EXOC6B: variants seen among roughly 807,000 people sequenced by gnomAD.
EXOC6B encodes the protein SEC15 homolog B.
Under a neutral mutation model 113.5 loss-of-function variants are expected in EXOC6B, and 54 were observed. The observed-to-expected ratio is 0.48, with a 90% CI of 0.38 to 0.60. The LOEUF is 0.60. EXOC6B is among the 20% of genes least tolerant of loss of function. The pLI is 0.00. For missense variants in EXOC6B, 797 were observed against 977.5 expected (o/e 0.82, Z 2.46); for synonymous variants, 357 against 339.0 (o/e 1.05, Z -0.58).
intron 18 of EXOC6B, among the ~76,000 whole-genome samples, chr2:72,448,947 T>C (rs1462890942): frequency 6.6e-6 from 1 of 152,174 alleles, no homozygotes; most frequent in Non-Finnish European, 1.5e-5. Flanking sequence ...CTTTTATATA[T>C]TCACAAGTTT....
At chr2:72,580,588 A>G (rs1705160772) in intron 6 of EXOC6B, among the ~76,000 whole-genome samples, 2 of 152,206 alleles carry the variant, frequency 1.3e-5, no homozygotes, top group Non-Finnish European at 2.9e-5. Context: ...AATGGACACC[A>G]TTGGTGCTCC....
intron 8 of EXOC6B, chr2:72,515,910 AAGAAT>A (rs1183865428): frequency 5.5e-6 from 1 of 183,438 alleles, no homozygotes; most frequent in Non-Finnish European, 1.0e-5. Context: ...GAAAGCCGAA[AAGAAT>A]AGACACAGAG....
Position 72,293,269 on chromosome 2 carries a change from T to C in EXOC6B, c.2196+41678A>G, listed in dbSNP as rs551684337. Among the ~76,000 whole-genome samples, 9 of 152,176 alleles carry C rather than the reference T, an allele frequency of 5.9e-5. No homozygotes were observed. In the East Asian group the frequency reaches 1.7e-3, roughly 29 times the overall value. ...CCTAAATGAGTCCTAGGGACTCATT[T>C]CAGTCCCTACCTAGTGCTTATGTTT... is the stretch of plus-strand genomic sequence containing the variant. On this transcript the variant is annotated intron_variant, in intron 20 of 21. Coordinates refer to ENST00000272427, the MANE Select transcript of EXOC6B (RefSeq NM_015189.3).
chr2:72,182,129 C>T (rs1325276929), intron 21 of EXOC6B, among the ~76,000 whole-genome samples: 1 of 152,090 alleles, frequency 6.6e-6, no homozygotes, highest in Non-Finnish European at 1.5e-5. Context: ...GATCTGGATG[C>T]CCTTTGCTCT....
intron 20 of EXOC6B, among the ~76,000 whole-genome samples, chr2:72,204,064 T>C (rs1679673450): frequency 6.6e-6 from 1 of 152,092 alleles, no homozygotes; most frequent in Non-Finnish European, 1.5e-5. Flanking sequence ...ACCAGCAAAG[T>C]CCCTGTCCTT....
chr2:72,609,831 ACT>A (rs1172803103), intron 6 of EXOC6B, among the ~76,000 whole-genome samples: 1 of 152,144 alleles, frequency 6.6e-6, no homozygotes, highest in Non-Finnish European at 1.5e-5. Context: ...TACTTAGTCA[ACT>A]CTGTGCAAGT....
intron 20 of EXOC6B, among the ~76,000 whole-genome samples, chr2:72,224,918 ATATG>A (rs1485754393): frequency 1.3e-5 from 2 of 150,406 alleles, no homozygotes; most frequent in Admixed American, 6.7e-5. Flanking sequence ...AGATGTGTAT[ATATG>A]TGTATATATA....
intron 2 of EXOC6B, 56 bp downstream of exon 2, chr2:72,741,248 C>T (rs1681302605): frequency 1.3e-6 from 2 of 1,522,910 alleles, no homozygotes; most frequent in Non-Finnish European, 1.8e-6. Flanking sequence ...ATCCTTTAAT[C>T]CTAATCAAAA....
At position 72,637,464 on chromosome 2, in the gene EXOC6B, G is replaced by C. The variant is rs148524144; in HGVS notation, c.670-61796C>G. Among the ~76,000 whole-genome samples, 823 of 152,146 alleles carry C rather than the reference G, an allele frequency of 5.4e-3. 9 individuals carry two copies. Among genetic ancestry groups the C allele is most frequent in the African/African-American group, 0.019 (785 of 41,514 alleles). The stretch of plus-strand genomic sequence containing the variant: ...AAACAAACAACTCCATTTAAAAGTG[G>C]GCAAAGGACATGAACAGAACCTATC... On this transcript the variant is annotated intron_variant, in intron 6 of 21. Coordinates refer to ENST00000272427, the MANE Select transcript of EXOC6B (RefSeq NM_015189.3).
rs150476500 is a variant in EXOC6B at position 72,485,365 on chromosome 2, A to G, written c.1666-4615T>C. On this transcript the variant is annotated intron_variant, in intron 16 of 21. Transcript: ENST00000272427. ...TTCAGTACAATAAACCTTCAACAGG[A>G]CTAATCCAAAGGAAGAAAATGAGAA... Among the ~76,000 whole-genome samples, 3 of 152,360 alleles carry G rather than the reference A, an allele frequency of 2.0e-5. No homozygotes were observed. The East Asian group carries it at 5.8e-4, about 29-fold the overall frequency.
At chr2:72,656,432 A>G (rs1674579422) in intron 6 of EXOC6B, among the ~76,000 whole-genome samples, 1 of 152,108 alleles carries the variant, frequency 6.6e-6, no homozygotes, top group African/African-American at 2.4e-5. Context: ...ACAAAGAAAA[A>G]GTTTAAAAGA....
At chr2:72,405,398 T>C (rs1396535065) in intron 18 of EXOC6B, among the ~76,000 whole-genome samples, 1 of 152,148 alleles carries the variant, frequency 6.6e-6, no homozygotes, top group Non-Finnish European at 1.5e-5. Context: ...GACACATAAT[T>C]GTCAGATTCA....
In EXOC6B at chr2:72,718,243, A is replaced by T. The variant is rs1256410973; in HGVS notation, c.529T>A (p.Tyr177Asn). 6.2e-7 allele frequency: 1 copy of T among 1,613,856 alleles called. No individual in the cohort carries two copies. Among genetic ancestry groups the T allele is most frequent in the Non-Finnish European group, 8.5e-7 (1 of 1,179,780 alleles). Residue 177 changes from tyrosine (Y) to asparagine (N), a missense_variant, in exon 6 of 22, where the codon TAT becomes AAT. By Grantham distance (143) the Tyr-to-Asn change is moderately radical (BLOSUM62 -2). Coordinates refer to ENST00000272427, the MANE Select transcript of EXOC6B (RefSeq NM_015189.3). ...EHTYLPQVSH[Y>N]RFCKVMVDNI... Reference sequence around the variant, plus strand: ...TCCACCATCACCTTGCAGAATCGATAGTGGCTTACTTGAGGCAGGTAGGTA... The same window carrying T: ...TCCACCATCACCTTGCAGAATCGATTGTGGCTTACTTGAGGCAGGTAGGTA...
intron 19 of EXOC6B, among the ~76,000 whole-genome samples, chr2:72,349,635 G>A (rs115641249): frequency 2.1e-3 from 316 of 152,328 alleles, no homozygotes; most frequent in Admixed American, 4.2e-3. Context: ...CAGATTCCAT[G>A]AGGAGTGGAC....
intron 6 of EXOC6B, among the ~76,000 whole-genome samples, chr2:72,639,097 C>CCA (rs750268845): frequency 1.9e-4 from 29 of 152,142 alleles, no homozygotes; most frequent in Admixed American, 1.4e-3. Context: ...TCCTCTGGGC[C>CCA]CACAGCAGCT....
intron 6 of EXOC6B, among the ~76,000 whole-genome samples, chr2:72,604,454 T>C (rs180906474): frequency 9.0e-4 from 137 of 152,328 alleles, no homozygotes; most frequent in African/African-American, 3.2e-3. Context: ...CCAGGCACTA[T>C]AGTAAGCAGA....
chr2:72,211,827 A>G (rs758851989), intron 20 of EXOC6B, among the ~76,000 whole-genome samples: 1 of 152,142 alleles, frequency 6.6e-6, no homozygotes, highest in Admixed American at 6.5e-5. Context: ...TTGTATATCA[A>G]TTTGGTTTAC....
chr2:72,588,230 C>T (rs1280650505), intron 6 of EXOC6B, among the ~76,000 whole-genome samples: 1 of 152,094 alleles, frequency 6.6e-6, no homozygotes, highest in Non-Finnish European at 1.5e-5. Flanking sequence ...CCTGCAAGCA[C>T]ATGTCCGTTG....
At chr2:72,653,721 T>C (rs1271415021) in intron 6 of EXOC6B, among the ~76,000 whole-genome samples, 1 of 151,410 alleles carries the variant, frequency 6.6e-6, no homozygotes, top group Non-Finnish European at 1.5e-5. Context: ...CTGACCAAAG[T>C]TCTTGATTTG....
Sources: allele counts gnomAD v4.1 joint callset (sites outside exome capture counted in the v4.1 genomes callset), GRCh38; gene constraint gnomAD v4.1.1; transcripts MANE v1.5; gene names NCBI Gene and HGNC (gene_info 2026-07-23, HGNC 2026-07-21).